The following ATAD3B variants were observed in gnomAD, a reference collection of about 807,000 sequenced individuals.
The protein encoded by ATAD3B is ATPase family AAA domain containing 3B.
Under a neutral mutation model 70.2 loss-of-function variants are expected in ATAD3B, and 59 were observed. That is an observed-to-expected ratio of 0.84 (90% CI 0.68 to 1.04). ATAD3B has a LOEUF of 1.04. ATAD3B is among the 50% of genes least tolerant of loss of function. The pLI is 0.00. For missense variants in ATAD3B, 961 were observed against 913.4 expected (o/e 1.05, Z -0.67); for synonymous variants, 423 against 388.6 (o/e 1.09, Z -1.04).
chr1:1,482,402 A>G (rs819971), intron 6 of ATAD3B, 99 bp downstream of exon 6: 293,526 of 1,566,992 alleles, frequency 0.19, 58,975 homozygotes, highest in African/African-American at 0.85. Flanking sequence ...CCTGGCCGCC[A>G]TAGGCTGACT....
intron 10 of ATAD3B, 133 bp downstream of exon 10, chr1:1,486,368 T>C: frequency 6.3e-7 from 1 of 1,579,786 alleles, no homozygotes; most frequent in Non-Finnish European, 8.6e-7. Context: ...AGGCTCAGGG[T>C]GCTGGTGTGG....
intron 15 of ATAD3B, among the ~76,000 whole-genome samples, chr1:1,490,901 C>A (rs1640510571): frequency 6.6e-6 from 1 of 152,072 alleles, no homozygotes; most frequent in Non-Finnish European, 1.5e-5. Flanking sequence ...CTGACAGTCA[C>A]ACGGGGCTCT....
the ATAD3B span, among the ~76,000 whole-genome samples, chr1:1,504,896 C>T: frequency 3.9e-5 from 6 of 152,010 alleles, no homozygotes; most frequent in African/African-American, 9.7e-5. Flanking sequence ...GGTAAGCCAC[C>T]GCGCCCAGTG....
At chr1:1,508,083 G>C in the ATAD3B span, among the ~76,000 whole-genome samples, 7 of 152,194 alleles carry the variant, frequency 4.6e-5, no homozygotes, top group Admixed American at 4.6e-4. Context: ...CCTGGGTGAG[G>C]TGCAGCCACT....
At chr1:1,504,226 T>A in the ATAD3B span, among the ~76,000 whole-genome samples, 193 of 151,932 alleles carry the variant, frequency 1.3e-3, 3 homozygotes, top group African/African-American at 4.5e-3. Flanking sequence ...CCTCAAGGGA[T>A]CTACCTGCCT....
intron 4 of ATAD3B, 74 bp from the exon 5 acceptor site, chr1:1,480,793 C>G: frequency 6.3e-7 from 1 of 1,585,448 alleles, no homozygotes; most frequent in Non-Finnish European, 8.6e-7. Flanking sequence ...CTGGGGCGGA[C>G]GCAACCTCTG....
chr1:1,477,717 A>C (rs1639666664), intron 2 of ATAD3B, among the ~76,000 whole-genome samples: 1 of 142,650 alleles, frequency 7.0e-6, no homozygotes, highest in Non-Finnish European at 1.5e-5. Context: ...ATTTTATTTT[A>C]TTTATTTTGA....
At position 1,489,196 on chromosome 1, in the gene ATAD3B, C is replaced by G. The variant is rs201345207; in HGVS notation, c.1267-8C>G. The G allele has an allele frequency of 9.9e-6, 16 of 1,613,468 alleles. No homozygotes were observed. Among genetic ancestry groups the G allele is most frequent in the Non-Finnish European group, 1.4e-5 (16 of 1,179,544 alleles). ...CTGGTGCCTAAGGCTGGAACCTTCTCTCTGCAGGAGGAGATAAGCAAGGAC... is the reference window on the plus strand; with the variant it reads ...CTGGTGCCTAAGGCTGGAACCTTCTGTCTGCAGGAGGAGATAAGCAAGGAC... On this transcript the variant is annotated splice_polypyrimidine_tract_variant and splice_region_variant and intron_variant, in intron 12 of 15. Coordinates refer to ENST00000673477, the MANE Select transcript of ATAD3B (RefSeq NM_031921.6).
chr1:1,478,238 C>A, intron 2 of ATAD3B: 3 of 527,814 alleles, frequency 5.7e-6, no homozygotes, highest in Admixed American at 3.5e-5. Flanking sequence ...CTCAGGTGAT[C>A]CAGCCACTTT....
the ATAD3B span, among the ~76,000 whole-genome samples, chr1:1,504,056 C>T: frequency 2.0e-5 from 3 of 151,950 alleles, no homozygotes; most frequent in East Asian, 2.0e-4. Context: ...GGTGCGTTCT[C>T]GGCTCACTGC....
intron 15 of ATAD3B, 93 bp from the exon 16 acceptor site, chr1:1,495,392 T>C: frequency 6.8e-7 from 1 of 1,480,550 alleles, no homozygotes; most frequent in Non-Finnish European, 9.1e-7. Flanking sequence ...CTGGTGCCCC[T>C]GGTTTGGCCC....
At chr1:1,505,669 G>A in the ATAD3B span, among the ~76,000 whole-genome samples, 990 of 152,260 alleles carry the variant, frequency 6.5e-3, 15 homozygotes, top group African/African-American at 0.023. Context: ...CCCTGTCCGG[G>A]CGTAACGGAA....
intron 8 of ATAD3B, among the ~76,000 whole-genome samples, 187 bp downstream of exon 8, chr1:1,485,358 T>C (rs1296176285): frequency 1.3e-5 from 2 of 152,098 alleles, no homozygotes; most frequent in East Asian, 3.9e-4. Context: ...AGTGAGACCC[T>C]TCCCCTGTCT....
chr1:1,487,758 C>G, intron 11 of ATAD3B, 105 bp from the exon 12 acceptor site: 3 of 1,398,464 alleles, frequency 2.1e-6, no homozygotes, highest in South Asian at 1.2e-5. Flanking sequence ...AGAGCCTGAC[C>G]CCGTGGGGAT....
chr1:1,497,962 T>TTC (rs1640843907), downstream of ATAD3B: 1 of 150,966 alleles, frequency 6.6e-6, no homozygotes, highest in Non-Finnish European at 1.5e-5. Flanking sequence ...GCTCATGAGT[T>TTC]TGAGAACAGC....
At chr1:1,474,411 C>T (rs1262035357) in intron 1 of ATAD3B, among the ~76,000 whole-genome samples, 2 of 150,978 alleles carry the variant, frequency 1.3e-5, no homozygotes, top group African/African-American at 2.4e-5. Flanking sequence ...AGAATGGTCT[C>T]GATCTCCTGA....
At chr1:1,486,004 G>T in intron 9 of ATAD3B, 106 bp from the exon 10 acceptor site, 1 of 1,592,302 alleles carries the variant, frequency 6.3e-7, no homozygotes, top group Non-Finnish European at 8.6e-7. Flanking sequence ...CGAGCTGGGC[G>T]GCTTCCTGAG....
At chr1:1,474,746 C>T (rs1639510124) in intron 1 of ATAD3B, among the ~76,000 whole-genome samples, 1 of 152,012 alleles carries the variant, frequency 6.6e-6, no homozygotes, top group Non-Finnish European at 1.5e-5. Context: ...GGTGATTCGC[C>T]CACCTCGGCC....
downstream of ATAD3B, among the ~76,000 whole-genome samples, chr1:1,498,289 G>A (rs1360446298): frequency 6.6e-6 from 1 of 151,608 alleles, no homozygotes; most frequent in Non-Finnish European, 1.5e-5. Flanking sequence ...GGCAGCAAGA[G>A]TGAAACTCCG....
Sources: allele counts gnomAD v4.1 joint callset (sites outside exome capture counted in the v4.1 genomes callset), GRCh38; gene constraint gnomAD v4.1.1; transcripts MANE v1.5; gene names NCBI Gene and HGNC (gene_info 2026-07-23, HGNC 2026-07-21).